The following EXOC4 variants were observed in gnomAD, a reference collection of about 807,000 sequenced individuals.
The protein encoded by EXOC4 is SEC8-like 1.
In EXOC4, 71 loss-of-function variants were observed where a neutral mutation model predicts 107.2. The observed-to-expected ratio is 0.66, with a 90% CI of 0.55 to 0.81. The LOEUF is 0.81. Among genes scored for constraint, EXOC4 ranks in the 30% least tolerant of loss-of-function variants. The pLI is 0.00. For synonymous variants in EXOC4, 456 were observed against 441.2 expected (o/e 1.03, Z -0.42); for missense variants, 1,108 against 1,189.6 (o/e 0.93, Z 1.01).
chr7:133,417,896 A>G (rs979406471), intron 7 of EXOC4, among the ~76,000 whole-genome samples: 10 of 152,196 alleles, frequency 6.6e-5, no homozygotes, highest in Non-Finnish European at 5.9e-5. Context: ...TAGTTTTTGC[A>G]TGATTTTTAA....
intron 10 of EXOC4, among the ~76,000 whole-genome samples, chr7:133,633,578 G>A (rs1331651189): frequency 1.3e-5 from 2 of 152,064 alleles, no homozygotes; most frequent in African/African-American, 4.8e-5. Flanking sequence ...AATTAACCAG[G>A]CATGGTGGCA....
Position 133,261,472 on chromosome 7 carries a change from G to T in EXOC4, c.86+8285G>T, listed in dbSNP as rs1348759831. 2.0e-5 allele frequency among the ~76,000 whole-genome samples: 3 copies of T among 152,096 alleles called. No individual in the cohort carries two copies. In the East Asian group the frequency reaches 5.8e-4, roughly 29 times the overall value. On this transcript the variant is annotated intron_variant, in intron 1 of 17. Coordinates refer to ENST00000253861, the MANE Select transcript of EXOC4 (RefSeq NM_021807.4). The stretch of plus-strand genomic sequence containing the variant: ...TTTTAGGTTTTGCTATGTTGCTCAG[G>T]CTGGTCTTGAATTCCTGGCCTCAAG...
At chr7:133,938,124 C>T in intron 14 of EXOC4, 55 bp downstream of exon 14, 1 of 1,562,784 alleles carries the variant, frequency 6.4e-7, no homozygotes, top group South Asian at 1.1e-5. Context: ...AGACTGAATG[C>T]ATTCATTGAA....
intron 11 of EXOC4, among the ~76,000 whole-genome samples, chr7:133,821,883 G>A (rs1797530131): frequency 6.6e-6 from 1 of 152,212 alleles, no homozygotes. Flanking sequence ...ATGAGTGAAT[G>A]AAAATGAATG....
At chr7:133,567,308 A>T (rs555045805) in intron 9 of EXOC4, among the ~76,000 whole-genome samples, 1 of 151,860 alleles carries the variant, frequency 6.6e-6, no homozygotes, top group East Asian at 1.9e-4. Context: ...CATTATGAAC[A>T]CTGTTCTGAA....
At chr7:133,379,699 A>G (rs1360255781) in intron 7 of EXOC4, among the ~76,000 whole-genome samples, 1 of 152,014 alleles carries the variant, frequency 6.6e-6, no homozygotes, top group Non-Finnish European at 1.5e-5. Flanking sequence ...TGAACTGAAA[A>G]CAATTATTAA....
intron 10 of EXOC4, among the ~76,000 whole-genome samples, chr7:133,801,299 C>T (rs1199669513): frequency 6.6e-6 from 1 of 152,028 alleles, no homozygotes; most frequent in Non-Finnish European, 1.5e-5. Flanking sequence ...TGAAATCTAC[C>T]TTCAATTATT....
At chr7:133,518,599 C>T (rs1322658816) in intron 9 of EXOC4, among the ~76,000 whole-genome samples, 1 of 152,064 alleles carries the variant, frequency 6.6e-6, no homozygotes, top group African/African-American at 2.4e-5. Context: ...CCCAAATATC[C>T]ATCAGTGGAT....
intron 17 of EXOC4, among the ~76,000 whole-genome samples, chr7:134,023,006 C>T (rs774762480): frequency 3.3e-5 from 5 of 152,180 alleles, no homozygotes; most frequent in Admixed American, 3.3e-4. Context: ...TTTCCCCATT[C>T]GATGTTAACC....
At chr7:133,801,121 G>A (rs2551011) in intron 10 of EXOC4, among the ~76,000 whole-genome samples, 150,280 of 152,294 alleles carry the variant, frequency 0.99, 74,189 homozygotes, top group Middle Eastern at 1. Flanking sequence ...CTCCACTGAG[G>A]TGCCTATTAC....
At chr7:134,068,727 A>T (rs1370682931), downstream of EXOC4, among the ~76,000 whole-genome samples, 3 of 152,088 alleles carry the variant, frequency 2.0e-5, no homozygotes, top group Non-Finnish European at 4.4e-5. Context: ...CCAAGACTTT[A>T]TTCTTGTCTG....
chr7:133,257,517 G>GT (rs1185970870), intron 1 of EXOC4, among the ~76,000 whole-genome samples: 2 of 152,196 alleles, frequency 1.3e-5, no homozygotes, highest in African/African-American at 2.4e-5. Context: ...TTTTATTTCT[G>GT]TGAGTTCTTG....
At chr7:133,832,301 TC>T (rs1369959760) in intron 11 of EXOC4, among the ~76,000 whole-genome samples, 1 of 152,210 alleles carries the variant, frequency 6.6e-6, no homozygotes, top group Non-Finnish European at 1.5e-5. Flanking sequence ...TTCCATGATA[TC>T]CCAAATGATG....
chr7:133,766,057 A>G (rs1350821775), intron 10 of EXOC4, among the ~76,000 whole-genome samples: 1 of 151,980 alleles, frequency 6.6e-6, no homozygotes, highest in Non-Finnish European at 1.5e-5. Flanking sequence ...TTTTACCAGG[A>G]GTCCTTAGTG....
intron 5 of EXOC4, among the ~76,000 whole-genome samples, chr7:133,345,378 A>G (rs1394167608): frequency 1.3e-5 from 2 of 152,168 alleles, no homozygotes; most frequent in Non-Finnish European, 2.9e-5. Context: ...GAGTAACTGA[A>G]CTTAGAAAGC....
At chr7:133,837,950 G>A (rs890383239) in intron 11 of EXOC4, among the ~76,000 whole-genome samples, 3 of 152,136 alleles carry the variant, frequency 2.0e-5, no homozygotes, top group Non-Finnish European at 2.9e-5. Flanking sequence ...GACCCTTACA[G>A]CGCTGGATAA....
At chr7:133,451,521 C>G (rs895160493) in intron 7 of EXOC4, among the ~76,000 whole-genome samples, 7 of 151,768 alleles carry the variant, frequency 4.6e-5, no homozygotes, top group African/African-American at 9.7e-5. Context: ...AAAATTATTT[C>G]TCTTGTATTC....
chr7:133,778,617 C>G (rs1257513784), intron 10 of EXOC4, among the ~76,000 whole-genome samples: 1 of 152,170 alleles, frequency 6.6e-6, no homozygotes, highest in African/African-American at 2.4e-5. Flanking sequence ...TTCTAAGATG[C>G]AGATAGGTCA....
intron 9 of EXOC4, among the ~76,000 whole-genome samples, chr7:133,550,710 A>G (rs992793566): frequency 1.3e-5 from 2 of 152,144 alleles, no homozygotes; most frequent in African/African-American, 2.4e-5. Context: ...AGAGTTCCCT[A>G]ACTTCACAAA....
Sources: gnomAD v4.1 joint callset for allele counts (sites outside exome capture counted in the v4.1 genomes callset) on GRCh38, gnomAD v4.1.1 for gene constraint, MANE v1.5 for transcripts, NCBI Gene and HGNC (gene_info 2026-07-23, HGNC 2026-07-21) for gene names.